The following CEP120 variants were observed in gnomAD, a reference collection of about 807,000 sequenced individuals.
CEP120 encodes the protein centrosomal protein 120, also known as centrosomal protein of 120 kDa.
CEP120 carries 113 observed loss-of-function variants against 126.5 expected under a neutral mutation model. That is an observed-to-expected ratio of 0.89 (90% CI 0.77 to 1.04). The LOEUF is 1.04. Among genes scored for constraint, CEP120 ranks in the 50% least tolerant of loss-of-function variants. The probability of loss-of-function intolerance (pLI) is 0.00; values close to 1 mark genes in which losing one functional copy is unlikely to be tolerated. For missense variants in CEP120, 1,230 were observed against 1,155.7 expected (o/e 1.06, Z -0.93); for synonymous variants, 400 against 394.3 (o/e 1.01, Z -0.17).
chr5:123,399,177 T>C lies in CEP120; in HGVS notation c.571A>G (p.Ile191Val). Reference sequence around the variant, plus strand: ...GCAAATGCTATGGTCACTGACATAATAAAGGAGTCAGTACAGTATTCTGCT... The same window carrying C: ...GCAAATGCTATGGTCACTGACATAACAAAGGAGTCAGTACAGTATTCTGCT... ...GPAEYCTDSF[I>V]MSVTIAFATQ... Residue 191 changes from isoleucine (I) to valine (V), a missense_variant, in exon 5 of 20, where the codon ATT becomes GTT. Transcript: ENST00000306467. 1 of 1,613,714 alleles carries C rather than the reference T, an allele frequency of 6.2e-7. No individual in the cohort carries two copies. Among genetic ancestry groups the C allele is most frequent in the East Asian group, 2.2e-5 (1 of 44,856 alleles).
intron 18 of CEP120, among the ~76,000 whole-genome samples, chr5:123,357,517 A>G (rs894944167): frequency 6.6e-6 from 1 of 152,104 alleles, no homozygotes; most frequent in African/African-American, 2.4e-5. Context: ...TCTGAATTAC[A>G]CTTGTTGATT....
chr5:123,356,933 ATTC>A (rs1467850340), intron 18 of CEP120, among the ~76,000 whole-genome samples: 14 of 147,846 alleles, frequency 9.5e-5, no homozygotes, highest in Non-Finnish European at 1.5e-4. Context: ...ATTTGGGATC[ATTC>A]TTCTTCTGCC....
chr5:123,386,589 A>G lies in CEP120; in HGVS notation c.1509T>C (p.Val503=), dbSNP rs1443808204. The change falls in exon 10 of 20, where the codon GTT becomes GTC. Residue 503 remains valine, a synonymous_variant. Coordinates refer to ENST00000306467, the MANE Select transcript of CEP120 (RefSeq NM_001375405.1). ...PPVEVRKNME[V]FLPQSYCAFD... Reference sequence around the variant, plus strand: ...ATGCACAGTAAGACTGGGGAAGAAAAACTTCCATGTTTTTCCGAACTTCTA... The same window carrying G: ...ATGCACAGTAAGACTGGGGAAGAAAGACTTCCATGTTTTTCCGAACTTCTA... The G allele has an allele frequency of 6.3e-7, 1 of 1,597,038 alleles. No homozygotes were observed.
intron 18 of CEP120, among the ~76,000 whole-genome samples, chr5:123,357,441 C>G (rs1254884780): frequency 6.6e-6 from 1 of 152,152 alleles, no homozygotes; most frequent in African/African-American, 2.4e-5. Context: ...ATTTCTTCAT[C>G]ATATCACCTA....
chr5:123,408,159 A>C (rs965581908), intron 4 of CEP120, among the ~76,000 whole-genome samples: 30 of 152,234 alleles, frequency 2.0e-4, no homozygotes, highest in African/African-American at 6.8e-4. Context: ...CATTAAATGC[A>C]TATGTCTGTT....
Position 123,412,495 on chromosome 5 carries a change from T to C in CEP120, c.367A>G (p.Lys123Glu). Reference protein sequence around the residue: ...QLLSNKYTKFKSEIQISIALE... With the variant: ...QLLSNKYTKFESEIQISIALE... ...GCAATACTTATCTGTATCTCAGACT[T>C]GAATTTGGTGTATTTATTACTCAGC... is the stretch of plus-strand genomic sequence containing the variant. Residue 123 changes from lysine to glutamate, a missense_variant, in exon 4 of 20, where the codon AAG becomes GAG. Coordinates refer to ENST00000306467, the MANE Select transcript of CEP120 (RefSeq NM_001375405.1). The C allele has an allele frequency of 6.2e-7, 1 of 1,611,620 alleles. No individual in the cohort carries two copies.
rs999543272 is a variant in CEP120 at position 123,390,078 on chromosome 5, T to G, written c.1101A>C (p.Leu367Phe). ...HEPEHSKKKV[L>F]TPIKEKTLTG... ...TAAGTGTCTTCTCCTTTATGGGGGTTAAAACTTTCTTCTTTGAATGCTCTG... is the reference window on the plus strand; with the variant it reads ...TAAGTGTCTTCTCCTTTATGGGGGTGAAAACTTTCTTCTTTGAATGCTCTG... Residue 367 changes from leucine (L) to phenylalanine (F), a missense_variant, in exon 8 of 20, where the codon TTA becomes TTC. By Grantham distance (22) the Leu-to-Phe change is conservative (BLOSUM62 0). Coordinates refer to ENST00000306467, the MANE Select transcript of CEP120 (RefSeq NM_001375405.1). 8.1e-6 allele frequency: 13 copies of G among 1,614,132 alleles called. No homozygotes were observed. Among genetic ancestry groups the G allele is most frequent in the Non-Finnish European group, 1.0e-5 (12 of 1,179,972 alleles).
intron 17 of CEP120, among the ~76,000 whole-genome samples, chr5:123,371,225 A>C (rs1770831358): frequency 6.6e-6 from 1 of 152,088 alleles, no homozygotes; most frequent in Non-Finnish European, 1.5e-5. Context: ...TGATAAAGAC[A>C]AACCTGAGAC....
At position 123,416,105 on chromosome 5, in the gene CEP120, T is replaced by G; in HGVS notation, c.226A>C (p.Lys76Gln). The change falls in exon 3 of 20, where the codon AAA becomes CAA. Residue 76 changes from lysine to glutamine, a missense_variant. Physicochemically the swap from Lys to Gln is moderately conservative, Grantham distance 53. Transcript: ENST00000306467. ...HQHRLQRTPI[K>Q]LQCFALDPVT... ...GGATCCAAGGCAAAACATTGGAGTT[T>G]GATAGGAGTACGCTGTAGCCTATAA... The G allele has an allele frequency of 6.2e-7, 1 of 1,612,014 alleles. No individual in the cohort carries two copies. Among genetic ancestry groups the G allele is most frequent in the African/African-American group, 1.3e-5 (1 of 75,042 alleles).
At chr5:123,354,384 G>C (rs1561993801) in intron 18 of CEP120, among the ~76,000 whole-genome samples, 1 of 152,042 alleles carries the variant, frequency 6.6e-6, no homozygotes, top group Non-Finnish European at 1.5e-5. Context: ...GGACTTTTTT[G>C]ATGAAGTGTT....
intron 17 of CEP120, among the ~76,000 whole-genome samples, chr5:123,365,613 A>C (rs1339709400): frequency 6.6e-6 from 1 of 151,624 alleles, no homozygotes; most frequent in Non-Finnish European, 1.5e-5. Context: ...ACAAATCCCT[A>C]GTGCTTGGAT....
In CEP120 at chr5:123,364,477, T is replaced by C. The variant is rs1770314002; in HGVS notation, c.2580+19A>G. 1 of 1,507,270 alleles carries C rather than the reference T, an allele frequency of 6.6e-7. No individual in the cohort carries two copies. Among genetic ancestry groups the C allele is most frequent in the Admixed American group, 1.9e-5 (1 of 51,424 alleles). The allele number at this position is 1,507,270 out of a possible 1,614,324, so 93.4% of individuals were successfully genotyped here. ...ACAAGGGAAAAAGATATAAAAAGAA[T>C]AAGCTATAAACTACATACCTGTTTA... On this transcript the variant is annotated intron_variant, in intron 18 of 19. Coordinates refer to ENST00000306467, the MANE Select transcript of CEP120 (RefSeq NM_001375405.1).
intron 18 of CEP120, among the ~76,000 whole-genome samples, chr5:123,362,139 C>T (rs947660218): frequency 5.3e-5 from 8 of 151,724 alleles, no homozygotes; most frequent in Non-Finnish European, 8.9e-5. Context: ...CTCTATTATA[C>T]TACATGCACT....
intron 1 of CEP120, 129 bp from the exon 2 acceptor site, chr5:123,418,644 T>TG (rs1467376058): frequency 1.4e-6 from 1 of 724,770 alleles, no homozygotes; most frequent in Non-Finnish European, 2.1e-6. Context: ...TTGCTTAGGC[T>TG]GGAGTTCAGT....
intron 17 of CEP120, among the ~76,000 whole-genome samples, chr5:123,370,027 T>C (rs1423955716): frequency 6.6e-6 from 1 of 151,972 alleles, no homozygotes; most frequent in Non-Finnish European, 1.5e-5. Context: ...AATGAATATA[T>C]GAAAATTCTG....
chr5:123,373,574 A>C (rs535600835), intron 16 of CEP120, among the ~76,000 whole-genome samples: 1 of 152,240 alleles, frequency 6.6e-6, no homozygotes, highest in South Asian at 2.1e-4. Context: ...TTTGAGGCCA[A>C]CAAGCCAACC....
At chr5:123,395,029 C>A (rs1455573492) in intron 5 of CEP120, among the ~76,000 whole-genome samples, 1 of 152,206 alleles carries the variant, frequency 6.6e-6, no homozygotes, top group Admixed American at 6.5e-5. Context: ...GAAGAACACA[C>A]TAACCATTAC....
At chr5:123,413,559 T>C (rs1178532446) in intron 3 of CEP120, among the ~76,000 whole-genome samples, 2 of 152,040 alleles carry the variant, frequency 1.3e-5, no homozygotes, top group African/African-American at 4.8e-5. Flanking sequence ...CACTGATCAG[T>C]GGGAATACCA....
At chr5:123,418,220 G>T in intron 2 of CEP120, 139 bp downstream of exon 2, 1 of 502,814 alleles carries the variant, frequency 2.0e-6, no homozygotes. Flanking sequence ...CCATCCCCAA[G>T]GTATCTTTGA....
Sources: allele counts gnomAD v4.1 joint callset (sites outside exome capture counted in the v4.1 genomes callset), GRCh38; gene constraint gnomAD v4.1.1; transcripts MANE v1.5; gene names NCBI Gene and HGNC (gene_info 2026-07-23, HGNC 2026-07-21).